DIAPH2: variants seen among roughly 807,000 people sequenced by gnomAD.
The protein encoded by DIAPH2 is diaphanous related formin 2, also known as protein diaphanous homolog 2.
DIAPH2 carries 35 observed loss-of-function variants against 92.7 expected under a neutral mutation model. The observed-to-expected ratio is 0.38, with a 90% CI of 0.29 to 0.50. The LOEUF (loss-of-function observed/expected upper bound fraction) is 0.50. Among genes scored for constraint, DIAPH2 ranks in the 20% least tolerant of loss-of-function variants. The pLI is 0.94. For synonymous variants in DIAPH2, 301 were observed against 280.4 expected (o/e 1.07, Z -0.73); for missense variants, 701 against 819.5 (o/e 0.86, Z 1.77).
At chrX:96,703,119 T>A (rs2063864668) in intron 1 of DIAPH2, among the ~76,000 whole-genome samples, 2 of 111,657 alleles carry the variant, frequency 1.8e-5, no homozygotes, top group African/African-American at 6.5e-5. Flanking sequence ...GATGTATGTA[T>A]GAGAGTGGTG....
intron 4 of DIAPH2, among the ~76,000 whole-genome samples, chrX:96,771,599 T>G (rs1261273093): frequency 8.9e-6 from 1 of 111,738 alleles, no homozygotes; most frequent in Admixed American, 9.5e-5. Flanking sequence ...CTTTAAAAGC[T>G]CTGTATAAAA....
intron 22 of DIAPH2, among the ~76,000 whole-genome samples, chrX:97,147,458 CATATTTG>C (rs1324532995): frequency 9.1e-6 from 1 of 110,417 alleles, no homozygotes; most frequent in Non-Finnish European, 1.9e-5. Flanking sequence ...GTTTACTAGA[CATATTTG>C]ATGTCTTTTT....
rs191554574 is a variant in DIAPH2, at chrX:97,497,473, T to C, written c.3241+67728T>C. ...TTTTTTTTTTTTTTACCACATTCTC[T>C]TTGTACCCTATCTTTTGCTTTCTTA... On this transcript the variant is annotated intron_variant, in intron 26 of 26. Coordinates refer to ENST00000324765, the MANE Select transcript of DIAPH2 (RefSeq NM_006729.5). Among the ~76,000 whole-genome samples the C allele has an allele frequency of 5.0e-3, 541 of 108,615 alleles. 2 individuals carry two copies. Among genetic ancestry groups the C allele is most frequent in the African/African-American group, 0.018 (522 of 29,673 alleles). 94.3% of individuals were successfully genotyped at this position (108,615 alleles called of 115,157 possible).
chrX:97,101,145 G>C (rs1252560611), intron 20 of DIAPH2, among the ~76,000 whole-genome samples: 1 of 111,447 alleles, frequency 9.0e-6, no homozygotes, highest in Non-Finnish European at 1.9e-5. Context: ...AAGCTGCTTG[G>C]ATTCATATTA....
chrX:96,950,033 C>T (rs2065764629), intron 15 of DIAPH2, among the ~76,000 whole-genome samples: 1 of 110,690 alleles, frequency 9.0e-6, no homozygotes, highest in Admixed American at 9.6e-5. Flanking sequence ...CTACCCTTAG[C>T]CTGTATTACT....
chrX:96,923,241 G>A (rs1290425690), intron 9 of DIAPH2, among the ~76,000 whole-genome samples: 5 of 111,926 alleles, frequency 4.5e-5, no homozygotes. Context: ...AAGTGGAGTA[G>A]CATAATTTAA....
At chrX:97,056,530 C>A (rs1043442995) in intron 17 of DIAPH2, among the ~76,000 whole-genome samples, 10 of 111,961 alleles carry the variant, frequency 8.9e-5, no homozygotes, top group African/African-American at 3.2e-4. Flanking sequence ...GTCATTGCAT[C>A]GTGCTTGAAT....
rs1364183923 is a variant in DIAPH2, at chrX:97,602,180, T to C, written c.*2863T>C. On this transcript the variant is annotated 3_prime_UTR_variant, in exon 27 of 27. Transcript: ENST00000324765. ...GGAAGCCACTCTTAGCCCACCAGAGTCTGCCCTTTGGCCCAAAATTTATGT... is the reference window on the plus strand; with the variant it reads ...GGAAGCCACTCTTAGCCCACCAGAGCCTGCCCTTTGGCCCAAAATTTATGT... The C allele has an allele frequency of 8.9e-6, 1 of 112,337 alleles. No homozygotes were observed. Among genetic ancestry groups the C allele is most frequent in the African/African-American group, 3.2e-5 (1 of 30,905 alleles). The allele number at this position is 112,337 out of a possible 1,213,427, so 9.3% of individuals were successfully genotyped here.
chrX:97,007,030 TAAAC>T (rs760106929), intron 17 of DIAPH2, among the ~76,000 whole-genome samples: 3 of 112,145 alleles, frequency 2.7e-5, no homozygotes, highest in South Asian at 3.7e-4. Context: ...ACTGGTTGCA[TAAAC>T]AAACAAGCAA....
At chrX:97,432,621 G>C (rs2070139186) in intron 26 of DIAPH2, among the ~76,000 whole-genome samples, 3 of 111,490 alleles carry the variant, frequency 2.7e-5, no homozygotes. Flanking sequence ...CGAGTATCTG[G>C]GACTACAGGT....
intron 19 of DIAPH2, among the ~76,000 whole-genome samples, chrX:97,087,646 T>A (rs1039317806): frequency 8.9e-6 from 1 of 111,922 alleles, no homozygotes; most frequent in East Asian, 2.8e-4. Context: ...TTATACAAAT[T>A]AAATATGAGC....
intron 22 of DIAPH2, among the ~76,000 whole-genome samples, chrX:97,209,889 T>A (rs1012233380): frequency 9.0e-6 from 1 of 111,120 alleles, no homozygotes; most frequent in African/African-American, 3.3e-5. Context: ...TTTTTATATT[T>A]ATAAGCATTT....
At chrX:96,794,977 A>T (rs1035620323) in intron 4 of DIAPH2, among the ~76,000 whole-genome samples, 3 of 111,554 alleles carry the variant, frequency 2.7e-5, no homozygotes, top group Non-Finnish European at 5.6e-5. Context: ...TCTTCTCTGT[A>T]TGTCTTTTAT....
intron 17 of DIAPH2, among the ~76,000 whole-genome samples, chrX:97,021,018 A>G (rs2066294035): frequency 9.0e-6 from 1 of 111,471 alleles, no homozygotes; most frequent in South Asian, 3.8e-4. Context: ...TATAAGGAAG[A>G]TTATTTAAGC....
intron 4 of DIAPH2, among the ~76,000 whole-genome samples, chrX:96,843,668 A>T (rs1208100959): frequency 9.0e-6 from 1 of 111,464 alleles, no homozygotes; most frequent in Non-Finnish European, 1.9e-5. Context: ...TAAGCAGTGC[A>T]CTTAGGAAGC....
intron 16 of DIAPH2, among the ~76,000 whole-genome samples, chrX:96,961,384 T>C (rs1182774722): frequency 9.2e-6 from 1 of 109,119 alleles, no homozygotes; most frequent in East Asian, 2.8e-4. Context: ...TTTCTGATTC[T>C]GTTTATTTAG....
At chrX:96,801,226 G>C (rs140503567) in intron 4 of DIAPH2, among the ~76,000 whole-genome samples, 1,188 of 112,292 alleles carry the variant, frequency 0.011, 14 homozygotes, top group African/African-American at 0.036. Flanking sequence ...TTAGAGACCA[G>C]ACAAAAGAAC....
At position 97,413,800 on chromosome X, in the gene DIAPH2, A is replaced by G. The variant is rs766764663; in HGVS notation, c.3146-15850A>G. 3.8e-4 allele frequency among the ~76,000 whole-genome samples: 43 copies of G among 111,942 alleles called. No homozygotes were observed. In the East Asian group the frequency reaches 0.011, roughly 28 times the overall value. On this transcript the variant is annotated intron_variant, in intron 25 of 26. Transcript: ENST00000324765. ...AATCATGAGTGAACTCCCATTCACA[A>G]TTGCTACAAAGACAATAAAATACCT...
At chrX:96,781,173 C>G (rs1325914735) in intron 4 of DIAPH2, among the ~76,000 whole-genome samples, 1 of 111,293 alleles carries the variant, frequency 9.0e-6, no homozygotes, top group Non-Finnish European at 1.9e-5. Flanking sequence ...TATGTAAAAA[C>G]AAGAATAATT....
Sources: allele counts gnomAD v4.1 joint callset (sites outside exome capture counted in the v4.1 genomes callset), GRCh38; gene constraint gnomAD v4.1.1; transcripts MANE v1.5; gene names NCBI Gene and HGNC (gene_info 2026-07-23, HGNC 2026-07-21).